Variants in FAM135B observed in about 807,000 individuals in gnomAD.
FAM135B encodes the protein protein FAM135B.
FAM135B carries 43 observed loss-of-function variants against 127.7 expected under a neutral mutation model. That is an observed-to-expected ratio of 0.34 (90% CI 0.26 to 0.43). FAM135B has a LOEUF of 0.43. Ranked by LOEUF, FAM135B falls within the 20% of genes least tolerant of loss-of-function variation. The pLI, the probability that FAM135B is intolerant of heterozygous loss-of-function variation, is 1.00. For missense variants in FAM135B, 1,558 were observed against 1,725.6 expected (o/e 0.90, Z 1.72); for synonymous variants, 670 against 665.1 (o/e 1.01, Z -0.11).
intron 2 of FAM135B, among the ~76,000 whole-genome samples, chr8:138,337,406 A>G (rs1374858039): frequency 6.6e-6 from 1 of 152,176 alleles, no homozygotes; most frequent in Non-Finnish European, 1.5e-5. Context: ...CAACTTCAGC[A>G]AAGTCTCAGG....
chr8:138,304,456 C>T (rs1826093385), intron 3 of FAM135B, among the ~76,000 whole-genome samples: 1 of 152,120 alleles, frequency 6.6e-6, no homozygotes, highest in Non-Finnish European at 1.5e-5. Flanking sequence ...ATAGTTTGTG[C>T]GAAGGACGTT....
chr8:138,448,270 G>C (rs754751551), intron 1 of FAM135B, among the ~76,000 whole-genome samples: 5 of 152,054 alleles, frequency 3.3e-5, no homozygotes, highest in Non-Finnish European at 5.9e-5. Context: ...TTTTGGATGA[G>C]ATGCACATTT....
chr8:138,323,454 C>T (rs1450930079), intron 2 of FAM135B, among the ~76,000 whole-genome samples: 1 of 152,172 alleles, frequency 6.6e-6, no homozygotes, highest in Non-Finnish European at 1.5e-5. Flanking sequence ...GGCTGTTTGT[C>T]TCATCTCTCA....
At position 138,310,930 on chromosome 8, in the gene FAM135B, G is replaced by A. The variant is rs757935404; in HGVS notation, c.78-10C>T. The A allele has an allele frequency of 3.1e-6, 5 of 1,609,488 alleles. No homozygotes were observed. In the African/African-American group the frequency reaches 6.7e-5, roughly 21 times the overall value. ...TCGGATCTGGTAATACCTAAGAAAA[G>A]AGAAGAGGACAGGGTGCTGAAGATC... On this transcript the variant is annotated splice_polypyrimidine_tract_variant and intron_variant, in intron 2 of 19. Coordinates refer to ENST00000395297, the MANE Select transcript of FAM135B (RefSeq NM_015912.4).
At chr8:138,404,033 G>A (rs34010170) in intron 1 of FAM135B, among the ~76,000 whole-genome samples, 10,187 of 152,066 alleles carry the variant, frequency 0.067, 770 homozygotes, top group East Asian at 0.25. Flanking sequence ...AAAATTATAG[G>A]TAATCTTACA....
intron 2 of FAM135B, among the ~76,000 whole-genome samples, chr8:138,346,990 A>G (rs1829460121): frequency 6.6e-6 from 1 of 152,200 alleles, no homozygotes; most frequent in Non-Finnish European, 1.5e-5. Context: ...TTGTGTTTTC[A>G]CTTCTTGGTC....
At chr8:138,381,159 C>T (rs1831830451) in intron 1 of FAM135B, among the ~76,000 whole-genome samples, 1 of 152,124 alleles carries the variant, frequency 6.6e-6, no homozygotes, top group Admixed American at 6.6e-5. Flanking sequence ...TGATCATAAT[C>T]TAAATCCTTA....
intron 1 of FAM135B, among the ~76,000 whole-genome samples, chr8:138,456,065 G>A (rs994092098): frequency 1.3e-5 from 2 of 152,190 alleles, no homozygotes; most frequent in Admixed American, 6.5e-5. Context: ...GCACATAGTA[G>A]GTGGTCAGTA....
intron 1 of FAM135B, among the ~76,000 whole-genome samples, chr8:138,457,359 T>G (rs1836846958): frequency 6.6e-6 from 1 of 152,132 alleles, no homozygotes; most frequent in Non-Finnish European, 1.5e-5. Context: ...ATTGTCACAG[T>G]GTCTAGGCTA....
At chr8:138,418,884 CAA>C (rs761615203) in intron 1 of FAM135B, among the ~76,000 whole-genome samples, 17 of 116,318 alleles carry the variant, frequency 1.5e-4, no homozygotes, top group African/African-American at 3.7e-4. Context: ...TCACCAACCA[CAA>C]AAAAAAAAAA....
chr8:138,201,075 G>C (rs1817080873), intron 7 of FAM135B, among the ~76,000 whole-genome samples: 2 of 152,224 alleles, frequency 1.3e-5, no homozygotes, highest in South Asian at 4.1e-4. Flanking sequence ...AAGTCCTGCA[G>C]TGTCTCTGAC....
chr8:138,375,967 G>A (rs1267244731), intron 1 of FAM135B, among the ~76,000 whole-genome samples: 2 of 152,096 alleles, frequency 1.3e-5, no homozygotes, highest in African/African-American at 4.8e-5. Context: ...ACTGGGTTCA[G>A]CCTTCAGTCC....
At chr8:138,351,683 CTTTTTTT>C (rs889424592) in intron 2 of FAM135B, among the ~76,000 whole-genome samples, 2 of 109,474 alleles carry the variant, frequency 1.8e-5, no homozygotes, top group Middle Eastern at 4.4e-3. Context: ...TAGGGCAGAT[CTTTTTTT>C]TTTTTTTTTT....
At chr8:138,200,709 T>C (rs1755005478) in intron 7 of FAM135B, among the ~76,000 whole-genome samples, 1 of 152,234 alleles carries the variant, frequency 6.6e-6, no homozygotes, top group South Asian at 2.1e-4. Context: ...GTATACACGC[T>C]TGCTATATGT....
intron 13 of FAM135B, among the ~76,000 whole-genome samples, chr8:138,149,331 T>C (rs1817931619): frequency 6.6e-6 from 1 of 152,086 alleles, no homozygotes; most frequent in Admixed American, 6.6e-5. Flanking sequence ...TGAAAGCTTC[T>C]TGACTTGATT....
intron 6 of FAM135B, among the ~76,000 whole-genome samples, chr8:138,247,599 C>G (rs1167944332): frequency 1.3e-5 from 2 of 152,190 alleles, no homozygotes; most frequent in African/African-American, 2.4e-5. Flanking sequence ...TACCCACTGT[C>G]AGTTCTTTCT....
intron 3 of FAM135B, among the ~76,000 whole-genome samples, chr8:138,288,595 G>A (rs920864267): frequency 6.6e-6 from 1 of 152,112 alleles, no homozygotes; most frequent in African/African-American, 2.4e-5. Flanking sequence ...TTGAGGAAAC[G>A]GAGGAAGTCC....
chr8:138,452,785 T>C (rs899884649), intron 1 of FAM135B, among the ~76,000 whole-genome samples: 1 of 152,112 alleles, frequency 6.6e-6, no homozygotes, highest in Non-Finnish European at 1.5e-5. Flanking sequence ...GGAGAATCCA[T>C]GCTCAGAATG....
intron 7 of FAM135B, among the ~76,000 whole-genome samples, chr8:138,231,573 T>C (rs1477240444): frequency 6.6e-6 from 1 of 152,178 alleles, no homozygotes; most frequent in Non-Finnish European, 1.5e-5. Context: ...ATGTGACAGA[T>C]ATGGCTTCCA....
Sources: gnomAD v4.1 joint callset for allele counts (sites outside exome capture counted in the v4.1 genomes callset) on GRCh38, gnomAD v4.1.1 for gene constraint, MANE v1.5 for transcripts, NCBI Gene and HGNC (gene_info 2026-07-23, HGNC 2026-07-21) for gene names.